Variants in XIRP1 observed in about 807,000 individuals in gnomAD.
XIRP1 encodes xin actin binding repeat containing 1.
For missense variants in XIRP1, 2,378 were observed against 2,345.4 expected, an observed-to-expected ratio of 1.01 and a Z score of -0.29; for synonymous variants, 984 against 947.0, an observed-to-expected ratio of 1.04 and a Z score of -0.72.
Position 39,185,324 on chromosome 3 carries a change from G to A in XIRP1, c.4122C>T (p.Ala1374=). The A allele has an allele frequency of 6.2e-7, 1 of 1,614,226 alleles. No individual in the cohort carries two copies. The highest frequency in any genetic ancestry group is 8.5e-7 in the Non-Finnish European group (1 of 1,180,038). ...CCTGGTCTACAGTAGTGGGAACCTT[G>A]GCTGGCTGAGGGATGGCTGTATCTC... ...GERDTAIPQP[A]KVPTTVDQGH... is the part of the protein sequence containing the mutation. Residue 1374 remains alanine (A), a synonymous_variant, in exon 2 of 2, where the codon GCC becomes GCT. Coordinates refer to ENST00000340369, the MANE Select transcript of XIRP1 (RefSeq NM_194293.4).
At chr3:39,192,118 C>T (rs1409410733) in intron 1 of XIRP1, among the ~76,000 whole-genome samples, 1 of 152,242 alleles carries the variant, frequency 6.6e-6, no homozygotes, top group African/African-American at 2.4e-5. Flanking sequence ...TGGGAGGAAG[C>T]CCTGAAGCCT....
In XIRP1 at chr3:39,185,358, C is replaced by T. The variant is rs781051406; in HGVS notation, c.4088G>A (p.Arg1363Gln). 30 of 1,614,058 alleles carry T rather than the reference C, an allele frequency of 1.9e-5. No individual in the cohort carries two copies. In the East Asian group the frequency reaches 2.0e-4, roughly 11 times the overall value. The change falls in exon 2 of 2, where the codon CGA becomes CAA. Residue 1363 changes from arginine to glutamine, a missense_variant. Arg to Gln is a conservative substitution (Grantham distance 43, BLOSUM62 1). Transcript: ENST00000340369. ...SSEVGQREHQRGERDTAIPQP... is the reference protein window; with the variant it reads ...SSEVGQREHQQGERDTAIPQP... ...AGGGATGGCTGTATCTCTCTCACCT[C>T]GTTGGTGTTCTCTTTGCCCCACCTC... is the stretch of plus-strand genomic sequence containing the variant.
At position 39,187,651 on chromosome 3, in the gene XIRP1, C is replaced by G. The variant is rs147045101; in HGVS notation, c.1795G>C (p.Glu599Gln). ...GCCAACTCACTCATTGGGCAAGTCT[C>G]GAACAACCACCGGATGGTCTGCACA... ...GDVQTIRWLF[E>Q]TCPMSELAEK... Residue 599 changes from glutamate to glutamine, a missense_variant, in exon 2 of 2, where the codon GAG becomes CAG. Physicochemically the swap from Glu to Gln is conservative, Grantham distance 29 (BLOSUM62 2). Transcript: ENST00000340369. The G allele has an allele frequency of 6.2e-7, 1 of 1,614,046 alleles. No homozygotes were observed. The highest frequency in any genetic ancestry group is 1.6e-4 in the Middle Eastern group (1 of 6,062).
At position 39,185,343 on chromosome 3, in the gene XIRP1, G is replaced by C. The variant is rs375705185; in HGVS notation, c.4103C>G (p.Thr1368Arg). 3.1e-6 allele frequency: 5 copies of C among 1,614,118 alleles called. No individual in the cohort carries two copies. The Admixed American group carries it at 5.0e-5, about 16-fold the overall frequency. ...QREHQRGERD[T>R]AIPQPAKVPT... ...AACCTTGGCTGGCTGAGGGATGGCTGTATCTCTCTCACCTCGTTGGTGTTC... is the reference window on the plus strand; with the variant it reads ...AACCTTGGCTGGCTGAGGGATGGCTCTATCTCTCTCACCTCGTTGGTGTTC... Residue 1368 changes from threonine (T) to arginine (R), a missense_variant, in exon 2 of 2, where the codon ACA (threonine) becomes AGA (arginine). By Grantham distance (71) the Thr-to-Arg change is moderately conservative. Coordinates refer to ENST00000340369, the MANE Select transcript of XIRP1 (RefSeq NM_194293.4).
chr3:39,187,973 G>A lies in XIRP1; in HGVS notation c.1473C>T (p.Gly491=), dbSNP rs779124129. 4.3e-6 allele frequency: 7 copies of A among 1,614,212 alleles called. No individual in the cohort carries two copies. Among genetic ancestry groups the A allele is most frequent in the Non-Finnish European group, 5.9e-6 (7 of 1,180,044 alleles). Residue 491 remains glycine (G), a synonymous_variant, in exon 2 of 2, where the codon GGC becomes GGT. Transcript: ENST00000340369. The part of the protein sequence containing the change: ...SPVYAMQDSK[G]RLHALTSVSR... ...TAACAGAGGTCAGGGCATGGAGGCG[G>A]CCCTTGCTGTCCTGCATGGCATACA...
Position 39,186,950 on chromosome 3 carries a change from G to A in XIRP1, c.2496C>T (p.Cys832=). The A allele has an allele frequency of 6.2e-7, 1 of 1,612,630 alleles. No individual in the cohort carries two copies. The highest frequency in any genetic ancestry group is 8.5e-7 in the Non-Finnish European group (1 of 1,178,764). ...CCACATCTGGCCGGCGCAGGACTTG[G>A]CAGATGATCCTGGGAAGTTCACCTG... ...LVSGELPRII[C]QVLRRPDVDQ... is the part of the protein sequence containing the mutation. Residue 832 remains cysteine (C), a synonymous_variant, in exon 2 of 2, where the codon TGC becomes TGT. Coordinates refer to ENST00000340369, the MANE Select transcript of XIRP1 (RefSeq NM_194293.4).
In XIRP1 at chr3:39,189,087, C is replaced by A; in HGVS notation, c.359G>T (p.Cys120Phe). Residue 120 changes from cysteine (C) to phenylalanine (F), a missense_variant, in exon 2 of 2, where the codon TGT (cysteine) becomes TTT (phenylalanine). By Grantham distance (205) the Cys-to-Phe change is radical (BLOSUM62 -2). Coordinates refer to ENST00000340369, the MANE Select transcript of XIRP1 (RefSeq NM_194293.4). ...GCGGGAGGTGGCCTGGACGTCACCA[C>A]ACAGCACGGGCTCCTTGGCAGCTGG... ...ERPAAKEPVL[C>F]GDVQATSRKF... 6 of 1,614,200 alleles carry A rather than the reference C, an allele frequency of 3.7e-6. No homozygotes were observed. Among genetic ancestry groups the A allele is most frequent in the Non-Finnish European group, 5.1e-6 (6 of 1,180,036 alleles).
chr3:39,189,338 C>T lies in XIRP1; in HGVS notation c.108G>A (p.Pro36=), dbSNP rs543517667. The T allele has an allele frequency of 2.7e-4, 381 of 1,402,752 alleles. 6 individuals carry two copies. In the South Asian group the frequency reaches 3.9e-3, roughly 14 times the overall value. The allele number at this position is 1,402,752 out of a possible 1,614,324, so 86.9% of individuals were successfully genotyped here. The change falls in exon 2 of 2, where the codon CCG becomes CCA. Residue 36 remains proline, a synonymous_variant. Coordinates refer to ENST00000340369, the MANE Select transcript of XIRP1 (RefSeq NM_194293.4). ...PPPALEDLPL[P]PPKESFSKFH... ...ACTTGGAGAAGGATTCCTTGGGTGGCGGCAGTGGCAGGTCCTCCAGGGCTG... is the reference window on the plus strand; with the variant it reads ...ACTTGGAGAAGGATTCCTTGGGTGGTGGCAGTGGCAGGTCCTCCAGGGCTG...
Position 39,187,248 on chromosome 3 carries a change from T to C in XIRP1, c.2198A>G (p.Glu733Gly), listed in dbSNP as rs2039996097. ...TGCCAGGGAGCCCATGGGACAATTC[T>C]CAAAAAGCCAAGTGAACTTGTGGAC... is the stretch of plus-strand genomic sequence containing the variant. ...GSVHKFTWLF[E>G]NCPMGSLAAE... is the part of the protein sequence containing the mutation. Residue 733 changes from glutamate (E) to glycine (G), a missense_variant, in exon 2 of 2, where the codon GAG becomes GGG. Transcript: ENST00000340369. 6.3e-7 allele frequency: 1 copy of C among 1,582,368 alleles called. No individual in the cohort carries two copies. The highest frequency in any genetic ancestry group is 2.3e-5 in the East Asian group (1 of 44,352).
chr3:39,187,555 T>A lies in XIRP1; in HGVS notation c.1891A>T (p.Lys631Ter). 1 of 1,614,080 alleles carries A rather than the reference T, an allele frequency of 6.2e-7. No individual in the cohort carries two copies. Among genetic ancestry groups the A allele is most frequent in the Non-Finnish European group, 8.5e-7 (1 of 1,180,024 alleles). The change falls in exon 2 of 2, where the codon AAG (lysine) becomes TAG (stop). Residue 631 changes from lysine to a stop codon, truncating the protein, a stop_gained. Transcript: ENST00000340369. LOFTEE classifies it low-confidence loss of function (END_TRUNC). ...ACTGGCCTGTCCACAGGTTGGGGCT[T>A]GAACATCCAGGTGCAGGACTGTGCC... ...AEAQSCTWMF[K>*]PQPVDRPVGS...
rs760069084 is a variant in XIRP1, at chr3:39,184,678, C to T, written c.4768G>A (p.Val1590Ile). The change falls in exon 2 of 2, where the codon GTC becomes ATC. Residue 1590 changes from valine to isoleucine, a missense_variant. Val to Ile is a conservative substitution (Grantham distance 29). Transcript: ENST00000340369. ...CCACTGGGCCTGGCGCTACTGCTGACTGTGACACTGATCTTGTGGGCACTG... is the reference window on the plus strand; with the variant it reads ...CCACTGGGCCTGGCGCTACTGCTGATTGTGACACTGATCTTGTGGGCACTG... ...DHSAHKISVTVSSSARPSGSG... is the reference protein window; with the variant it reads ...DHSAHKISVTISSSARPSGSG... 7 of 1,614,256 alleles carry T rather than the reference C, an allele frequency of 4.3e-6. No individual in the cohort carries two copies. In the South Asian group the frequency reaches 6.6e-5, roughly 15 times the overall value.
At chr3:39,191,209 C>T (rs1007797403) in intron 1 of XIRP1, among the ~76,000 whole-genome samples, 5 of 152,196 alleles carry the variant, frequency 3.3e-5, no homozygotes, top group Admixed American at 2.6e-4. Context: ...GCCTGAGTCT[C>T]ATCAAAGCTC....
Position 39,183,907 on chromosome 3 carries a change from G to C in XIRP1, c.*7C>G, listed in dbSNP as rs754989787. The C allele has an allele frequency of 6.2e-7, 1 of 1,607,150 alleles. No homozygotes were observed. Among genetic ancestry groups the C allele is most frequent in the Non-Finnish European group, 8.5e-7 (1 of 1,178,608 alleles). On this transcript the variant is annotated 3_prime_UTR_variant, in exon 2 of 2. Transcript: ENST00000340369. The stretch of plus-strand genomic sequence containing the variant: ...CAGGTGGCAGGTGTGGTGGGAGGCG[G>C]TGGGCCTCACTGGGCAGCTGGCTGG...
rs1207750120 is a variant in XIRP1 at position 39,184,433 on chromosome 3, T to C, written c.5013A>G (p.Thr1671=). 6 of 1,613,900 alleles carry C rather than the reference T, an allele frequency of 3.7e-6. No homozygotes were observed. Among genetic ancestry groups the C allele is most frequent in the Admixed American group, 3.3e-5 (2 of 59,974 alleles). ...TTGTGGCCGACTGGATGGAGATAAA[T>C]GTTGGGGAGGAGGGAGAATCTCGGC... ...PSSRDSPSSP[T]FISIQSATRK... is the part of the protein sequence containing the mutation. Residue 1671 remains threonine, a synonymous_variant, in exon 2 of 2, where the codon ACA becomes ACG. Transcript: ENST00000340369.
At position 39,188,549 on chromosome 3, in the gene XIRP1, C is replaced by A. The variant is rs747220082; in HGVS notation, c.897G>T (p.Gly299=). ...GAGTTGCACTGACGTCGGGCCGGGCCCCCTCCTCCAGGGAAATCCCCCGGA... is the reference window on the plus strand; with the variant it reads ...GAGTTGCACTGACGTCGGGCCGGGCACCCTCCTCCAGGGAAATCCCCCGGA... ...RVIRGISLEE[G]ARPDVSATRW... The change falls in exon 2 of 2, where the codon GGG becomes GGT. Residue 299 remains glycine (G), a synonymous_variant. Coordinates refer to ENST00000340369, the MANE Select transcript of XIRP1 (RefSeq NM_194293.4). 1.9e-6 allele frequency: 3 copies of A among 1,611,588 alleles called. No individual in the cohort carries two copies. Among genetic ancestry groups the A allele is most frequent in the Admixed American group, 1.7e-5 (1 of 59,972 alleles).
At position 39,184,118 on chromosome 3, in the gene XIRP1, G is replaced by A; in HGVS notation, c.5328C>T (p.Asp1776=). 4 of 1,606,182 alleles carry A rather than the reference G, an allele frequency of 2.5e-6. No homozygotes were observed. Among genetic ancestry groups the A allele is most frequent in the South Asian group, 2.2e-5 (2 of 90,444 alleles). Residue 1776 remains aspartate, a synonymous_variant, in exon 2 of 2, where the codon GAC becomes GAT. Transcript: ENST00000340369. ...RTVTEQYEEV[D]QFGNTVLMSS... is the part of the protein sequence containing the mutation. ...ACATGAGGACTGTGTTCCCAAACTGGTCCACCTCCTCATACTGTTCAGTCA... is the reference window on the plus strand; with the variant it reads ...ACATGAGGACTGTGTTCCCAAACTGATCCACCTCCTCATACTGTTCAGTCA...
chr3:39,187,576 G>C lies in XIRP1; in HGVS notation c.1870C>G (p.Gln624Glu). 1 of 1,614,080 alleles carries C rather than the reference G, an allele frequency of 6.2e-7. No homozygotes were observed. The highest frequency in any genetic ancestry group is 8.5e-7 in the Non-Finnish European group (1 of 1,180,054). ...VTDPTAKAEA[Q>E]SCTWMFKPQP... The stretch of plus-strand genomic sequence containing the variant: ...GGCTTGAACATCCAGGTGCAGGACT[G>C]TGCCTCAGCCTTGGCTGTGGGATCT... The change falls in exon 2 of 2, where the codon CAG (glutamine) becomes GAG (glutamate). Residue 624 changes from glutamine (Q) to glutamate (E), a missense_variant. Gln to Glu is a conservative substitution (Grantham distance 29). Transcript: ENST00000340369.
At chr3:39,191,331 A>C (rs1415003755) in intron 1 of XIRP1, among the ~76,000 whole-genome samples, 1 of 151,962 alleles carries the variant, frequency 6.6e-6, no homozygotes, top group Non-Finnish European at 1.5e-5. Context: ...GCCTGAGCAG[A>C]TGGTGTGTGC....
At position 39,183,820 on chromosome 3, in the gene XIRP1, C is replaced by G. The variant is rs549269130; in HGVS notation, c.*94G>C. 13 of 1,462,320 alleles carry G rather than the reference C, an allele frequency of 8.9e-6. No individual in the cohort carries two copies. The African/African-American group carries it at 1.8e-4, about 21-fold the overall frequency. 90.6% of individuals were successfully genotyped at this position (1,462,320 alleles called of 1,614,324 possible). ...TCTGAAGATGCCATTTCCTCTTGGT[C>G]CTTGCTCCAGTGTACAGGAGGCAGG... is the stretch of plus-strand genomic sequence containing the variant. On this transcript the variant is annotated 3_prime_UTR_variant, in exon 2 of 2. Coordinates refer to ENST00000340369, the MANE Select transcript of XIRP1 (RefSeq NM_194293.4).
Sources: allele counts gnomAD v4.1 joint callset (sites outside exome capture counted in the v4.1 genomes callset), GRCh38; gene constraint gnomAD v4.1.1; transcripts MANE v1.5; gene names NCBI Gene and HGNC (gene_info 2026-07-23, HGNC 2026-07-21).